Variants in CLEC9A observed in about 807,000 individuals in gnomAD.
The protein encoded by CLEC9A is C-type lectin domain containing 9A.
A neutral mutation model predicts 30.0 loss-of-function variants in CLEC9A; 24 were observed. That is an observed-to-expected ratio of 0.80 (90% CI 0.58 to 1.13). The LOEUF (loss-of-function observed/expected upper bound fraction) is 1.13, where lower values mean the gene tolerates loss of function less well. Ranked by LOEUF, CLEC9A falls within the 50% of genes most tolerant of loss-of-function variation. The probability of loss-of-function intolerance (pLI) is 0.00; values close to 1 mark genes in which losing one functional copy is unlikely to be tolerated. For synonymous variants in CLEC9A, 111 were observed against 96.8 expected (o/e 1.15, Z -0.86); for missense variants, 251 against 280.9 (o/e 0.89, Z 0.76).
intron 2 of CLEC9A, among the ~76,000 whole-genome samples, chr12:10,051,591 G>A (rs1016695120): frequency 1.6e-4 from 25 of 152,068 alleles, no homozygotes; most frequent in Admixed American, 1.6e-3. Context: ...TCCTTCTGGG[G>A]GCCTGATTGC....
At chr12:10,036,453 C>G (rs920147108) in intron 1 of CLEC9A, among the ~76,000 whole-genome samples, 3 of 152,130 alleles carry the variant, frequency 2.0e-5, no homozygotes, top group African/African-American at 7.2e-5. Context: ...ATAGAAGCAC[C>G]TGAGGCTTTA....
chr12:10,065,738 G>C lies in CLEC9A; in HGVS notation c.*106G>C. The C allele has an allele frequency of 7.7e-7, 1 of 1,303,048 alleles. No individual in the cohort carries two copies. Among genetic ancestry groups the C allele is most frequent in the South Asian group, 1.4e-5 (1 of 72,214 alleles). The allele number at this position is 1,303,048 out of a possible 1,614,324, so 80.7% of individuals were successfully genotyped here. ...AAAACAGAACAGTAAACCAAAATGT[G>C]GGCCATGAAATTAGCAACCTGGGAC... On this transcript the variant is annotated 3_prime_UTR_variant, in exon 9 of 9. Transcript: ENST00000355819.
chr12:10,038,880 C>T (rs1865766568), intron 1 of CLEC9A, among the ~76,000 whole-genome samples: 1 of 152,212 alleles, frequency 6.6e-6, no homozygotes, highest in Non-Finnish European at 1.5e-5. Flanking sequence ...CAGGCCTTAA[C>T]AGAGAGTAAT....
chr12:10,061,876 CAT>C (rs1280362751), intron 6 of CLEC9A, among the ~76,000 whole-genome samples: 1 of 152,146 alleles, frequency 6.6e-6, no homozygotes, highest in East Asian at 1.9e-4. Flanking sequence ...AATGCTTGTA[CAT>C]ATAGTTTAGA....
chr12:10,065,201 C>T (rs1477794661), intron 8 of CLEC9A, among the ~76,000 whole-genome samples: 2 of 152,146 alleles, frequency 1.3e-5, no homozygotes, highest in African/African-American at 4.8e-5. Context: ...GATGGAGAAG[C>T]AGAATCAGGT....
intron 2 of CLEC9A, among the ~76,000 whole-genome samples, chr12:10,049,566 G>A (rs1235509424): frequency 2.0e-5 from 3 of 152,086 alleles, no homozygotes; most frequent in African/African-American, 4.8e-5. Flanking sequence ...AGTATTTGCC[G>A]CTTCATCTTT....
At chr12:10,035,173 A>G (rs1166575493) in intron 1 of CLEC9A, among the ~76,000 whole-genome samples, 1 of 151,960 alleles carries the variant, frequency 6.6e-6, no homozygotes, top group Non-Finnish European at 1.5e-5. Context: ...TGTTCCATTG[A>G]TGACTACTCT....
Position 10,044,855 on chromosome 12 carries a change from C to G in CLEC9A, c.-163+3235C>G, listed in dbSNP as rs35584798. Among the ~76,000 whole-genome samples the G allele has an allele frequency of 4.7e-3, 714 of 152,258 alleles. 13 individuals carry two copies. Among genetic ancestry groups the G allele is most frequent in the Admixed American group, 0.039 (604 of 15,300 alleles). ...TTTCTGTACCAGTCTATCCTCAGCC[C>G]ATAGAACAACTTTGTCACATAGTTA... On this transcript the variant is annotated intron_variant, in intron 2 of 8. Coordinates refer to ENST00000355819, the MANE Select transcript of CLEC9A (RefSeq NM_207345.4).
intron 1 of CLEC9A, among the ~76,000 whole-genome samples, chr12:10,036,801 C>T (rs1431239198): frequency 1.3e-5 from 2 of 152,140 alleles, no homozygotes; most frequent in Non-Finnish European, 2.9e-5. Flanking sequence ...CTACTTTTTA[C>T]AAGAAATACC....
chr12:10,052,687 C>T lies in CLEC9A; in HGVS notation c.-1C>T. On this transcript the variant is annotated 5_prime_UTR_variant, in exon 4 of 9. Transcript: ENST00000355819. ...TGCTTTCCTATCAAAGCACCTTAGA[C>T]ATGCACGAGGAAGAAATATACACCT... 1.2e-6 allele frequency: 2 copies of T among 1,613,812 alleles called. No individual in the cohort carries two copies. The highest frequency in any genetic ancestry group is 1.7e-6 in the Non-Finnish European group (2 of 1,179,776).
chr12:10,039,161 G>C (rs1011020410), intron 1 of CLEC9A, among the ~76,000 whole-genome samples: 1 of 152,196 alleles, frequency 6.6e-6, no homozygotes, highest in Non-Finnish European at 1.5e-5. Context: ...TGATGGCTTT[G>C]ATTCTGCTGA....
intron 1 of CLEC9A, among the ~76,000 whole-genome samples, chr12:10,039,073 G>A (rs1178564576): frequency 1.3e-5 from 2 of 152,196 alleles, no homozygotes; most frequent in African/African-American, 4.8e-5. Flanking sequence ...CTTCCCCATA[G>A]CTAACCCATA....
In CLEC9A at chr12:10,041,483, C is replaced by T; in HGVS notation, c.-300C>T. ...TTCTCCAGGTGACTATAAACGCAGC[C>T]CCTGTGATGCCAACTGGACATATTA... is the stretch of plus-strand genomic sequence containing the variant. On this transcript the variant is annotated 5_prime_UTR_variant, in exon 2 of 9. Transcript: ENST00000355819. The T allele has an allele frequency of 2.2e-6, 1 of 446,590 alleles. No individual in the cohort carries two copies. Among genetic ancestry groups the T allele is most frequent in the Non-Finnish European group, 4.4e-6 (1 of 228,906 alleles). 27.7% of individuals were successfully genotyped at this position (446,590 alleles called of 1,614,324 possible).
Position 10,050,172 on chromosome 12 carries a change from A to C in CLEC9A, c.-162-1819A>C, listed in dbSNP as rs566695251. 3.9e-4 allele frequency among the ~76,000 whole-genome samples: 59 copies of C among 152,360 alleles called. 1 individual carries two copies. The highest frequency in any genetic ancestry group is 1.4e-3 in the African/African-American group (58 of 41,578). ...TTGATATTTATCAATTAAGTTAACC[A>C]TCTTATATGGGTATATAGTTCATGG... On this transcript the variant is annotated intron_variant, in intron 2 of 8. Coordinates refer to ENST00000355819, the MANE Select transcript of CLEC9A (RefSeq NM_207345.4).
chr12:10,046,452 ACAAGGCC>A (rs1865846940), intron 2 of CLEC9A, among the ~76,000 whole-genome samples: 5 of 152,200 alleles, frequency 3.3e-5, no homozygotes, highest in Admixed American at 2.0e-4. Flanking sequence ...ATGCTTCTCA[ACAAGGCC>A]CAGAGGCTAC....
chr12:10,033,160 C>A (rs556096299), intron 1 of CLEC9A, among the ~76,000 whole-genome samples: 1 of 151,998 alleles, frequency 6.6e-6, no homozygotes, highest in African/African-American at 2.4e-5. Flanking sequence ...CCTAGGACAC[C>A]GTTCTCTTCA....
chr12:10,035,388 C>A (rs1052538281), intron 1 of CLEC9A, among the ~76,000 whole-genome samples: 1 of 152,184 alleles, frequency 6.6e-6, no homozygotes, highest in African/African-American at 2.4e-5. Context: ...CAGCACTTCT[C>A]TGCCCCACTT....
chr12:10,058,082 T>C (rs1362052245), intron 5 of CLEC9A, among the ~76,000 whole-genome samples: 1 of 152,310 alleles, frequency 6.6e-6, no homozygotes, highest in East Asian at 1.9e-4. Context: ...AAAGGTGCTA[T>C]ATTTTGCTTC....
intron 2 of CLEC9A, among the ~76,000 whole-genome samples, chr12:10,047,314 T>C (rs1865855329): frequency 6.6e-6 from 1 of 152,236 alleles, no homozygotes; most frequent in Admixed American, 6.5e-5. Flanking sequence ...AAAGCATATG[T>C]TCATACATCA....
Sources: gnomAD v4.1 joint callset for allele counts (sites outside exome capture counted in the v4.1 genomes callset) on GRCh38, gnomAD v4.1.1 for gene constraint, MANE v1.5 for transcripts, NCBI Gene and HGNC (gene_info 2026-07-23, HGNC 2026-07-21) for gene names.